HIBADH: variants seen among roughly 807,000 people sequenced by gnomAD.
The protein encoded by HIBADH is 3-hydroxyisobutyrate dehydrogenase.
HIBADH carries 25 observed loss-of-function variants against 36.1 expected under a neutral mutation model. The observed-to-expected ratio is 0.69, with a 90% CI of 0.50 to 0.97. The LOEUF is 0.97. Among genes scored for constraint, HIBADH ranks in the 50% least tolerant of loss-of-function variants. The pLI is 0.00. For missense variants in HIBADH, 421 were observed against 418.0 expected, an observed-to-expected ratio of 1.01 and a Z score of -0.06; for synonymous variants, 160 against 149.5, an observed-to-expected ratio of 1.07 and a Z score of -0.51.
At chr7:27,630,199 G>A (rs1290580966) in intron 3 of HIBADH, among the ~76,000 whole-genome samples, 1 of 152,116 alleles carries the variant, frequency 6.6e-6, no homozygotes, top group Non-Finnish European at 1.5e-5. Context: ...TAAAGGGTAT[G>A]GCTAACCTTT....
chr7:27,583,234 A>G (rs1237673508), intron 4 of HIBADH, among the ~76,000 whole-genome samples: 1 of 152,132 alleles, frequency 6.6e-6, no homozygotes, highest in Non-Finnish European at 1.5e-5. Context: ...ATTATACAGA[A>G]TTTTAAAAGC....
At chr7:27,630,317 T>C (rs997654891) in intron 3 of HIBADH, among the ~76,000 whole-genome samples, 2 of 152,142 alleles carry the variant, frequency 1.3e-5, no homozygotes, top group African/African-American at 4.8e-5. Context: ...TTAAATTTTA[T>C]ATTTACAGAG....
chr7:27,623,518 A>G (rs1201261710), intron 4 of HIBADH, among the ~76,000 whole-genome samples: 1 of 152,228 alleles, frequency 6.6e-6, no homozygotes, highest in Non-Finnish European at 1.5e-5. Context: ...AACTCAACCC[A>G]GAAGTCTTAG....
chr7:27,606,172 G>C (rs1223824722), intron 4 of HIBADH, among the ~76,000 whole-genome samples: 2 of 152,092 alleles, frequency 1.3e-5, no homozygotes, highest in Non-Finnish European at 2.9e-5. Flanking sequence ...TTAAATATGG[G>C]GGAGGGGGTA....
At chr7:27,578,178 T>C (rs1289527426) in intron 4 of HIBADH, among the ~76,000 whole-genome samples, 1 of 152,216 alleles carries the variant, frequency 6.6e-6, no homozygotes, top group African/African-American at 2.4e-5. Flanking sequence ...TAAGCATGAA[T>C]ATTTGTTAAA....
chr7:27,620,251 T>A (rs1785514078), intron 4 of HIBADH, among the ~76,000 whole-genome samples: 1 of 151,990 alleles, frequency 6.6e-6, no homozygotes, highest in African/African-American at 2.4e-5. Context: ...ACCCAGGAGT[T>A]CAAGGGTGCA....
chr7:27,530,932 GCACA>G (rs371803902), intron 7 of HIBADH, among the ~76,000 whole-genome samples: 4 of 150,660 alleles, frequency 2.7e-5, no homozygotes, highest in African/African-American at 4.9e-5. Context: ...ACCCAAGTGC[GCACA>G]CACACACACA....
At chr7:27,638,465 TG>T (rs1227567291) in intron 2 of HIBADH, among the ~76,000 whole-genome samples, 15 of 152,124 alleles carry the variant, frequency 9.9e-5, no homozygotes, top group Admixed American at 5.2e-4. Context: ...AAGACTTAAA[TG>T]TAAAACCTAA....
At chr7:27,573,274 T>C (rs1784654859) in intron 4 of HIBADH, among the ~76,000 whole-genome samples, 1 of 152,210 alleles carries the variant, frequency 6.6e-6, no homozygotes, top group Non-Finnish European at 1.5e-5. Context: ...CCATAATACA[T>C]GGTAAACATG....
At chr7:27,639,036 C>T (rs1055574614) in intron 2 of HIBADH, among the ~76,000 whole-genome samples, 2 of 152,102 alleles carry the variant, frequency 1.3e-5, no homozygotes, top group Admixed American at 1.3e-4. Context: ...TGTGGTGATT[C>T]CTCAAAGAAC....
intron 3 of HIBADH, among the ~76,000 whole-genome samples, chr7:27,630,128 C>T (rs1051664091): frequency 1.3e-5 from 2 of 152,006 alleles, no homozygotes; most frequent in Non-Finnish European, 2.9e-5. Flanking sequence ...TATATATATA[C>T]ACTATAAGGC....
At chr7:27,549,440 TAAG>T (rs776455952) in intron 4 of HIBADH, among the ~76,000 whole-genome samples, 2 of 152,114 alleles carry the variant, frequency 1.3e-5, no homozygotes, top group Non-Finnish European at 2.9e-5. Context: ...AAATCAGTAT[TAAG>T]AATAAAAAAA....
intron 4 of HIBADH, among the ~76,000 whole-genome samples, chr7:27,593,080 T>C (rs528676619): frequency 6.6e-6 from 1 of 152,118 alleles, no homozygotes; most frequent in African/African-American, 2.4e-5. Flanking sequence ...TATGGTTCAA[T>C]GTAACCCTGC....
In HIBADH at chr7:27,552,001, C is replaced by G. The variant is rs182955028; in HGVS notation, c.485-8901G>C. 5.3e-5 allele frequency among the ~76,000 whole-genome samples: 8 copies of G among 152,170 alleles called. 1 individual carries two copies. Among genetic ancestry groups the G allele is most frequent in the Non-Finnish European group, 7.3e-5 (5 of 68,044 alleles). Reference sequence around the variant, plus strand: ...CTATGGTGTCTCTATTGTTTACCAGCGACATTCGCAGAAAAAGGCGACAGC... The same window carrying G: ...CTATGGTGTCTCTATTGTTTACCAGGGACATTCGCAGAAAAAGGCGACAGC... On this transcript the variant is annotated intron_variant, in intron 4 of 7. Coordinates refer to ENST00000265395, the MANE Select transcript of HIBADH (RefSeq NM_152740.4).
chr7:27,584,748 A>G (rs1337834223), intron 4 of HIBADH, among the ~76,000 whole-genome samples: 1 of 152,074 alleles, frequency 6.6e-6, no homozygotes, highest in African/African-American at 2.4e-5. Flanking sequence ...ATTTAATAAA[A>G]TTAATAATTT....
intron 4 of HIBADH, among the ~76,000 whole-genome samples, chr7:27,568,630 T>A (rs1784582246): frequency 6.6e-6 from 1 of 151,948 alleles, no homozygotes; most frequent in Non-Finnish European, 1.5e-5. Context: ...GCTAATTTTT[T>A]TTTAAATTTT....
At chr7:27,646,678 C>A (rs1392640054) in intron 2 of HIBADH, among the ~76,000 whole-genome samples, 2 of 149,904 alleles carry the variant, frequency 1.3e-5, no homozygotes, top group East Asian at 3.9e-4. Flanking sequence ...GCACACACAA[C>A]CACGCCCAGC....
chr7:27,624,046 C>T (rs1403099447), intron 4 of HIBADH, among the ~76,000 whole-genome samples: 1 of 152,220 alleles, frequency 6.6e-6, no homozygotes, highest in African/African-American at 2.4e-5. Flanking sequence ...GATCCACCTG[C>T]CTTGGCTTCC....
intron 2 of HIBADH, among the ~76,000 whole-genome samples, chr7:27,639,963 AAAAG>A (rs1270375592): frequency 6.6e-6 from 1 of 152,162 alleles, no homozygotes; most frequent in African/African-American, 2.4e-5. Context: ...GCGTTGTGAG[AAAAG>A]AAAAATAACT....
Sources: gnomAD v4.1 joint callset for allele counts (sites outside exome capture counted in the v4.1 genomes callset) on GRCh38, gnomAD v4.1.1 for gene constraint, MANE v1.5 for transcripts, NCBI Gene and HGNC (gene_info 2026-07-23, HGNC 2026-07-21) for gene names.